The following RBFOX1 variants were observed in gnomAD, a reference collection of about 807,000 sequenced individuals.
The protein encoded by RBFOX1 is RNA binding protein fox-1 homolog 1.
Under a neutral mutation model 57.7 loss-of-function variants are expected in RBFOX1, and 8 were observed. That is an observed-to-expected ratio of 0.14 (90% confidence interval 0.08 to 0.25). The LOEUF (loss-of-function observed/expected upper bound fraction) is 0.25. Ranked by LOEUF, RBFOX1 falls within the 10% of genes least tolerant of loss-of-function variation. The pLI, the probability that RBFOX1 is intolerant of heterozygous loss-of-function variation, is 1.00. For missense variants in RBFOX1, 611 were observed against 548.5 expected (o/e 1.11, Z -1.14); for synonymous variants, 326 against 222.4 (o/e 1.47, Z -4.15).
chr16:6,841,862 G>A (rs972871893), intron 3 of RBFOX1, among the ~76,000 whole-genome samples: 2 of 152,092 alleles, frequency 1.3e-5, no homozygotes, highest in Non-Finnish European at 2.9e-5. Flanking sequence ...CAACAGGCCG[G>A]GCGCGGTGGC....
intron 2 of RBFOX1, among the ~76,000 whole-genome samples, chr16:5,576,548 A>G (rs1003279458): frequency 2.0e-5 from 3 of 152,198 alleles, no homozygotes; most frequent in African/African-American, 7.2e-5. Context: ...TCCTATAAAG[A>G]TGTGTATCCT....
chr16:5,283,336 C>G (rs1266427459), intron 1 of RBFOX1, among the ~76,000 whole-genome samples: 2 of 152,170 alleles, frequency 1.3e-5, no homozygotes, highest in African/African-American at 4.8e-5. Context: ...GTGGCACCAC[C>G]TAGTGGAGCT....
intron 10 of RBFOX1, among the ~76,000 whole-genome samples, chr16:7,626,046 T>C (rs1273090357): frequency 2.0e-5 from 3 of 152,116 alleles, no homozygotes; most frequent in Admixed American, 1.3e-4. Flanking sequence ...CAAAGGTACA[T>C]AGATAGGGTT....
chr16:5,827,033 C>G (rs545467374), intron 3 of RBFOX1, among the ~76,000 whole-genome samples: 2 of 152,186 alleles, frequency 1.3e-5, no homozygotes, highest in Admixed American at 1.3e-4. Flanking sequence ...GTTGGAGCAT[C>G]CTTGACTCTA....
At chr16:7,015,657 C>G (rs535499810) in intron 3 of RBFOX1, among the ~76,000 whole-genome samples, 2 of 152,088 alleles carry the variant, frequency 1.3e-5, no homozygotes, top group African/African-American at 4.8e-5. Context: ...CTCTTTTGAG[C>G]AAACAAGAAG....
At chr16:7,453,018 A>G (rs2057691942) in intron 4 of RBFOX1, among the ~76,000 whole-genome samples, 1 of 151,768 alleles carries the variant, frequency 6.6e-6, no homozygotes, top group African/African-American at 2.4e-5. Context: ...AATTGCAGCT[A>G]CTAGGGGGGC....
At chr16:7,586,653 C>A (rs376755774) in intron 6 of RBFOX1, among the ~76,000 whole-genome samples, 1 of 152,186 alleles carries the variant, frequency 6.6e-6, no homozygotes, top group African/African-American at 2.4e-5. Flanking sequence ...TGTCTAAAAT[C>A]TATTTGTTTA....
chr16:6,034,196 G>C (rs2095330516), intron 1 of RBFOX1, among the ~76,000 whole-genome samples: 2 of 151,756 alleles, frequency 1.3e-5, no homozygotes, highest in African/African-American at 2.4e-5. Flanking sequence ...TTAGCTGGGG[G>C]TGGTGGTGGG....
chr16:6,665,565 C>G (rs897450427), intron 3 of RBFOX1, among the ~76,000 whole-genome samples: 1 of 150,274 alleles, frequency 6.7e-6, no homozygotes, highest in Non-Finnish European at 1.5e-5. Flanking sequence ...GCGGTGATTG[C>G]AGTGAGCTGA....
intron 4 of RBFOX1, among the ~76,000 whole-genome samples, chr16:7,178,853 A>T (rs971737733): frequency 6.6e-6 from 1 of 152,168 alleles, no homozygotes; most frequent in African/African-American, 2.4e-5. Flanking sequence ...AACATACTTC[A>T]TACTTCTTTA....
intron 2 of RBFOX1, among the ~76,000 whole-genome samples, chr16:5,585,709 C>T (rs1034600246): frequency 2.0e-5 from 3 of 152,222 alleles, no homozygotes; most frequent in Non-Finnish European, 4.4e-5. Flanking sequence ...AGGACCACTG[C>T]AGCATTTATG....
chr16:6,199,492 C>T (rs1334757698), intron 1 of RBFOX1, among the ~76,000 whole-genome samples: 2 of 152,294 alleles, frequency 1.3e-5, no homozygotes, highest in East Asian at 1.9e-4. Flanking sequence ...TAATGGATCA[C>T]GTCACCAAAA....
At chr16:6,320,272 C>T (rs749797032) in intron 2 of RBFOX1, among the ~76,000 whole-genome samples, 2 of 152,106 alleles carry the variant, frequency 1.3e-5, no homozygotes, top group East Asian at 1.9e-4. Context: ...AAGGAAATTC[C>T]ATCTCTAATT....
At chr16:5,267,862 A>C (rs2062900770) in intron 1 of RBFOX1, among the ~76,000 whole-genome samples, 2 of 152,086 alleles carry the variant, frequency 1.3e-5, no homozygotes, top group African/African-American at 4.8e-5. Flanking sequence ...CAGGTGGATC[A>C]CTTGAGGTCA....
intron 2 of RBFOX1, among the ~76,000 whole-genome samples, chr16:6,607,803 C>A (rs901190322): frequency 2.6e-5 from 4 of 152,174 alleles, no homozygotes; most frequent in Non-Finnish European, 5.9e-5. Context: ...TGTTTCACAT[C>A]CTAATGAGCG....
chr16:7,319,477 G>C (rs113708599), intron 4 of RBFOX1, among the ~76,000 whole-genome samples: 12 of 152,294 alleles, frequency 7.9e-5, no homozygotes, highest in South Asian at 2.1e-4. Flanking sequence ...TTTCAGGTCA[G>C]TGTTTGTATG....
intron 3 of RBFOX1, among the ~76,000 whole-genome samples, chr16:6,952,232 C>G (rs1034428831): frequency 6.6e-6 from 1 of 152,142 alleles, no homozygotes; most frequent in African/African-American, 2.4e-5. Flanking sequence ...AAGAGTAGGA[C>G]CTTTCCCTGC....
chr16:7,458,753 C>T (rs1285556352), intron 4 of RBFOX1, among the ~76,000 whole-genome samples: 1 of 152,144 alleles, frequency 6.6e-6, no homozygotes, highest in Non-Finnish European at 1.5e-5. Context: ...GATAAGACCT[C>T]CTTGACTCCT....
chr16:7,374,944 C>G (rs59043708), intron 4 of RBFOX1, among the ~76,000 whole-genome samples: 3,138 of 152,296 alleles, frequency 0.021, 74 homozygotes, highest in South Asian at 0.076. Flanking sequence ...CAAATTTAAA[C>G]GGAGCCTGGA....
Sources: allele counts gnomAD v4.1 joint callset (sites outside exome capture counted in the v4.1 genomes callset), GRCh38; gene constraint gnomAD v4.1.1; transcripts MANE v1.5; gene names NCBI Gene and HGNC (gene_info 2026-07-23, HGNC 2026-07-21).